Variants in TBC1D1 observed in about 807,000 individuals in gnomAD.
TBC1D1 encodes the protein TBC1 (tre-2/USP6, BUB2, cdc16) domain family, member 1.
A neutral mutation model predicts 125.6 loss-of-function variants in TBC1D1; 89 were observed. The observed-to-expected ratio is 0.71, with a 90% CI of 0.60 to 0.85. The LOEUF is 0.85. Among genes scored for constraint, TBC1D1 ranks in the 40% least tolerant of loss-of-function variants. The pLI, the probability that TBC1D1 is intolerant of heterozygous loss-of-function variation, is 0.00. For missense variants in TBC1D1, 1,377 were observed against 1,469.2 expected, an observed-to-expected ratio of 0.94 and a Z score of 1.03; for synonymous variants, 565 against 564.1, an observed-to-expected ratio of 1.00 and a Z score of -0.02.
intron 2 of TBC1D1, among the ~76,000 whole-genome samples, chr4:37,975,678 G>A (rs768359041): frequency 7.2e-5 from 11 of 152,144 alleles, no homozygotes; most frequent in Non-Finnish European, 1.5e-4. Context: ...CAGAAGGCTC[G>A]CACTCTTGTC....
chr4:37,944,687 C>T (rs1253654447), intron 2 of TBC1D1, among the ~76,000 whole-genome samples: 2 of 152,202 alleles, frequency 1.3e-5, no homozygotes, highest in Non-Finnish European at 2.9e-5. Flanking sequence ...CTTGGAAAAG[C>T]GCAGTATTAG....
intron 18 of TBC1D1, among the ~76,000 whole-genome samples, chr4:38,128,518 G>C (rs1393990988): frequency 6.6e-6 from 1 of 152,152 alleles, no homozygotes; most frequent in Admixed American, 6.5e-5. Flanking sequence ...AGATGGGGTG[G>C]GGCAGGAAGT....
intron 2 of TBC1D1, among the ~76,000 whole-genome samples, chr4:37,991,555 C>A (rs1430712127): frequency 6.6e-6 from 1 of 152,096 alleles, no homozygotes; most frequent in Non-Finnish European, 1.5e-5. Context: ...CACGAGCATG[C>A]AGACCTGGTA....
chr4:38,033,560 A>G (rs922646398), intron 7 of TBC1D1, among the ~76,000 whole-genome samples: 1 of 152,214 alleles, frequency 6.6e-6, no homozygotes, highest in Non-Finnish European at 1.5e-5. Context: ...GTACATTGAT[A>G]TTAACTAAAG....
chr4:38,084,098 C>T (rs1035677695), intron 12 of TBC1D1, among the ~76,000 whole-genome samples: 9 of 152,082 alleles, frequency 5.9e-5, no homozygotes, highest in Admixed American at 2.6e-4. Flanking sequence ...CCATGGCGCC[C>T]GGCTAATTTT....
chr4:37,979,761 C>G (rs936908893), intron 2 of TBC1D1, among the ~76,000 whole-genome samples: 10 of 152,222 alleles, frequency 6.6e-5, no homozygotes, highest in African/African-American at 2.4e-4. Flanking sequence ...CACATGGATA[C>G]CTGAGCACGA....
chr4:37,904,679 T>C (rs1213997464), intron 2 of TBC1D1, among the ~76,000 whole-genome samples: 1 of 152,250 alleles, frequency 6.6e-6, no homozygotes, highest in East Asian at 1.9e-4. Flanking sequence ...GGTTGAAATA[T>C]GAATTAGTTC....
At chr4:38,114,769 A>G (rs958945716) in intron 15 of TBC1D1, among the ~76,000 whole-genome samples, 10 of 152,034 alleles carry the variant, frequency 6.6e-5, no homozygotes, top group Non-Finnish European at 1.3e-4. Context: ...CAGGATGTTG[A>G]GAGCTTTTTT....
intron 6 of TBC1D1, among the ~76,000 whole-genome samples, chr4:38,025,905 C>T (rs1347159114): frequency 2.0e-5 from 3 of 152,200 alleles, no homozygotes; most frequent in Admixed American, 2.0e-4. Flanking sequence ...TAACCCACCT[C>T]TAAGCTTGCT....
At chr4:38,044,266 G>C in intron 8 of TBC1D1, 96 bp from the exon 9 acceptor site, 1 of 1,348,310 alleles carries the variant, frequency 7.4e-7, no homozygotes, top group Admixed American at 2.4e-5. Context: ...TCAGAATGAT[G>C]GCCTGGTGCC....
intron 18 of TBC1D1, among the ~76,000 whole-genome samples, chr4:38,126,214 AG>A (rs1477446040): frequency 6.6e-6 from 1 of 152,238 alleles, no homozygotes; most frequent in Non-Finnish European, 1.5e-5. Flanking sequence ...AACATAGAAA[AG>A]GTACAATAAA....
intron 12 of TBC1D1, among the ~76,000 whole-genome samples, chr4:38,069,738 T>C (rs148162785): frequency 3.0e-3 from 456 of 152,328 alleles, no homozygotes; most frequent in African/African-American, 0.011. Context: ...GAGAAATGAT[T>C]GGCCCAGCTC....
chr4:37,985,532 GCCT>G (rs1238335930), intron 2 of TBC1D1, among the ~76,000 whole-genome samples: 1 of 152,110 alleles, frequency 6.6e-6, no homozygotes, highest in African/African-American at 2.4e-5. Flanking sequence ...ACTTTGCTGA[GCCT>G]GTTTTCTTGT....
rs192663822 is a variant in TBC1D1, at chr4:37,908,245, G to A, written c.417+5733G>A. Among the ~76,000 whole-genome samples, 7 of 152,116 alleles carry A rather than the reference G, an allele frequency of 4.6e-5. No homozygotes were observed. The South Asian group carries it at 1.0e-3, about 23-fold the overall frequency. ...GCCTTTTTTGGGGGGTCTCTCTGTC[G>A]CCCAGGCTGGAATGCAGTCGTGCAA... is the stretch of plus-strand genomic sequence containing the variant. On this transcript the variant is annotated intron_variant, in intron 2 of 19. Coordinates refer to ENST00000261439, the MANE Select transcript of TBC1D1 (RefSeq NM_015173.4).
At chr4:38,068,969 A>G (rs1010249794) in intron 12 of TBC1D1, among the ~76,000 whole-genome samples, 7 of 152,198 alleles carry the variant, frequency 4.6e-5, no homozygotes, top group Admixed American at 4.6e-4. Flanking sequence ...AAAGAAGTAA[A>G]CTTCAGGCAG....
intron 19 of TBC1D1, among the ~76,000 whole-genome samples, chr4:38,135,017 C>T (rs1483592273): frequency 3.9e-5 from 6 of 152,112 alleles, no homozygotes; most frequent in Non-Finnish European, 8.8e-5. Flanking sequence ...TGTATTGTAT[C>T]GATTTGTGGT....
chr4:38,049,772 A>G lies in TBC1D1; in HGVS notation c.1784A>G (p.Asn595Ser). 1 of 1,614,084 alleles carries G rather than the reference A, an allele frequency of 6.2e-7. No individual in the cohort carries two copies. Among genetic ancestry groups the G allele is most frequent in the Non-Finnish European group, 8.5e-7 (1 of 1,180,030 alleles). ...CAGCAGGCCTTCAGGAGGCGAGCAA[A>G]CACCCTGAGTCACTTCCCCATCGAA... Residue 595 changes from asparagine (N) to serine (S), a missense_variant, in exon 11 of 20, where the codon AAC becomes AGC. Around this residue, in one of 3 missense-constraint regions of TBC1D1, gnomAD observed 822 missense variants for 824.6 expected, o/e 1.00. Transcript: ENST00000261439.
At chr4:38,111,742 G>C (rs888576040) in intron 15 of TBC1D1, among the ~76,000 whole-genome samples, 2 of 152,242 alleles carry the variant, frequency 1.3e-5, no homozygotes, top group Admixed American at 6.5e-5. Flanking sequence ...GGGTCCTCAG[G>C]CTGACCAAAC....
At chr4:38,040,591 T>C (rs1175811154) in intron 8 of TBC1D1, among the ~76,000 whole-genome samples, 1 of 152,226 alleles carries the variant, frequency 6.6e-6, no homozygotes, top group Non-Finnish European at 1.5e-5. Context: ...CTGGCTCATA[T>C]TTTCTTTATA....
Sources: gnomAD v4.1 joint callset for allele counts (sites outside exome capture counted in the v4.1 genomes callset) on GRCh38, gnomAD v4.1.1 for gene constraint, gnomAD v4.1.1 regional missense constraint, MANE v1.5 for transcripts, NCBI Gene and HGNC (gene_info 2026-07-23, HGNC 2026-07-21) for gene names.